The following SEPTIN9 variants were observed in gnomAD, a reference collection of about 807,000 sequenced individuals.
The protein encoded by SEPTIN9 is septin-9.
Under a neutral mutation model 56.6 loss-of-function variants are expected in SEPTIN9, and 13 were observed. The observed-to-expected ratio is 0.23, with a 90% CI of 0.15 to 0.37. The LOEUF is 0.37. Among genes scored for constraint, SEPTIN9 ranks in the 10% least tolerant of loss-of-function variants. The pLI is 1.00. For synonymous variants in SEPTIN9, 332 were observed against 334.1 expected, an observed-to-expected ratio of 0.99 and a Z score of 0.07; for missense variants, 650 against 823.1, an observed-to-expected ratio of 0.79 and a Z score of 2.57.
rs1295725714 is a variant in SEPTIN9 at position 77,453,414 on chromosome 17, TG to T, written c.722-28728del. ...TGAGGTCAAGAGTTCGAGACCAGCC[TG>T]GCCAACATGGTGAAACCCTGTCTCT... On this transcript the variant is annotated intron_variant, in intron 3 of 11. Transcript: ENST00000427177. The surrounding 1 kb of genome is among the most constrained non-coding windows in gnomAD (Gnocchi z 4.4). 6.6e-6 allele frequency among the ~76,000 whole-genome samples: 1 copy of T among 152,092 alleles called. No homozygotes were observed. The highest frequency in any genetic ancestry group is 1.5e-5 in the Non-Finnish European group (1 of 68,016).
intron 2 of SEPTIN9, chr17:77,373,775 C>G: frequency 1.3e-6 from 1 of 784,954 alleles, no homozygotes; most frequent in Non-Finnish European, 1.8e-6. Context: ...GTAGACCCTG[C>G]GCGCCCTCAC....
chr17:77,370,839 C>T (rs1343839324), intron 2 of SEPTIN9, among the ~76,000 whole-genome samples: 2 of 152,158 alleles, frequency 1.3e-5, no homozygotes, highest in Non-Finnish European at 2.9e-5. Context: ...CCTGGAGCCC[C>T]AGACTGGACC....
chr17:77,462,476 G>T (rs1364203504), intron 3 of SEPTIN9, among the ~76,000 whole-genome samples: 8 of 152,286 alleles, frequency 5.3e-5, no homozygotes, highest in African/African-American at 1.9e-4. Context: ...TAGAGACAGG[G>T]TCCCACTATG....
chr17:77,325,148 C>T (rs1484637796), intron 2 of SEPTIN9, among the ~76,000 whole-genome samples: 2 of 152,194 alleles, frequency 1.3e-5, no homozygotes, highest in Admixed American at 6.5e-5. Context: ...ACTTCTATGA[C>T]GTTCCACTTT....
rs985217772 is a variant in SEPTIN9, at chr17:77,451,490, C to T, written c.722-30654C>T. 2.0e-6 allele frequency: 2 copies of T among 985,818 alleles called. No homozygotes were observed. Among genetic ancestry groups the T allele is most frequent in the East Asian group, 1.1e-4 (1 of 8,818 alleles). 61.1% of individuals were successfully genotyped at this position (985,818 alleles called of 1,614,324 possible). ...GTGACCCGGTGGGCGGGCCGCGGCT[C>T]TCGGCGCGTCCAGCGCAGCCCGACG... On this transcript the variant is annotated intron_variant, in intron 3 of 11. Coordinates refer to ENST00000427177, the MANE Select transcript of SEPTIN9 (RefSeq NM_001113491.2). This position sits in a 1 kb window ranked among gnomAD's most constrained non-coding sequence, Gnocchi z 4.2.
At chr17:77,441,783 C>T (rs1568071652) in intron 3 of SEPTIN9, among the ~76,000 whole-genome samples, 2 of 152,336 alleles carry the variant, frequency 1.3e-5, no homozygotes, top group South Asian at 4.1e-4. Flanking sequence ...TTTGCCACTT[C>T]CGTTTCTTTC....
Position 77,487,866 on chromosome 17 carries a change from G to A in SEPTIN9, c.1042+314G>A, listed in dbSNP as rs1245095192. Among the ~76,000 whole-genome samples the A allele has an allele frequency of 6.6e-6, 1 of 152,164 alleles. No individual in the cohort carries two copies. Among genetic ancestry groups the A allele is most frequent in the Non-Finnish European group, 1.5e-5 (1 of 68,012 alleles). On this transcript the variant is annotated intron_variant, in intron 5 of 11. Transcript: ENST00000427177. This position sits in a 1 kb window ranked among gnomAD's most constrained non-coding sequence, Gnocchi z 4.3. ...ACCCATGCCTTCCTGGAGCACTGGTGCGGTGTGAGGGTGCCCGAGTCAGGC... is the reference window on the plus strand; with the variant it reads ...ACCCATGCCTTCCTGGAGCACTGGTACGGTGTGAGGGTGCCCGAGTCAGGC...
chr17:77,484,800 GGGT>G (rs1408916749), intron 4 of SEPTIN9, among the ~76,000 whole-genome samples: 1 of 62,450 alleles, frequency 1.6e-5, no homozygotes, highest in Admixed American at 1.5e-4. Context: ...GTGGTGATGT[GGGT>G]GGTGGTGGTG....
chr17:77,341,027 C>T (rs910765015), intron 2 of SEPTIN9, among the ~76,000 whole-genome samples: 2 of 152,234 alleles, frequency 1.3e-5, no homozygotes, highest in African/African-American at 4.8e-5. Flanking sequence ...TCTATCCAGA[C>T]CACTCAAACT....
intron 3 of SEPTIN9, among the ~76,000 whole-genome samples, chr17:77,460,737 A>G (rs312846): frequency 0.095 from 14,508 of 152,190 alleles, 1,739 homozygotes; most frequent in African/African-American, 0.28. Context: ...CTGCCAGGCC[A>G]GGGTCCTCAC....
intron 3 of SEPTIN9, among the ~76,000 whole-genome samples, chr17:77,416,721 T>G (rs1438901158): frequency 6.6e-6 from 1 of 152,218 alleles, no homozygotes; most frequent in East Asian, 1.9e-4. Flanking sequence ...GCAGCCCTGC[T>G]GGGTGGCAGG....
chr17:77,399,882 C>T (rs1364762967), intron 2 of SEPTIN9, among the ~76,000 whole-genome samples: 1 of 152,156 alleles, frequency 6.6e-6, no homozygotes, highest in Non-Finnish European at 1.5e-5. Context: ...GTCCTGCTGC[C>T]CTGCGGCCAC....
intron 2 of SEPTIN9, among the ~76,000 whole-genome samples, chr17:77,332,170 G>A (rs1169349633): frequency 3.3e-5 from 5 of 152,194 alleles, no homozygotes; most frequent in African/African-American, 9.6e-5. Context: ...CCAGCTACTC[G>A]GAAGGTTGAG....
intron 3 of SEPTIN9, among the ~76,000 whole-genome samples, chr17:77,459,462 C>T (rs1296182271): frequency 3.9e-5 from 6 of 152,184 alleles, no homozygotes; most frequent in Non-Finnish European, 5.9e-5. Flanking sequence ...TTGCCATTTC[C>T]CCAGAGCACA....
At chr17:77,360,076 GA>G (rs1402256970) in intron 2 of SEPTIN9, among the ~76,000 whole-genome samples, 4 of 149,710 alleles carry the variant, frequency 2.7e-5, no homozygotes, top group African/African-American at 9.9e-5. Context: ...AGAATTGCTT[GA>G]ACCCAGGAGG....
intron 2 of SEPTIN9, among the ~76,000 whole-genome samples, chr17:77,360,776 G>A (rs2034390625): frequency 1.3e-5 from 2 of 152,004 alleles, no homozygotes; most frequent in South Asian, 4.1e-4. Flanking sequence ...GTGTTAGCCA[G>A]GATGGTCTCG....
rs1352414128 is a variant in SEPTIN9 at position 77,323,986 on chromosome 17, G to T, written c.76+16789G>T. On this transcript the variant is annotated intron_variant, in intron 2 of 11. Transcript: ENST00000427177. The surrounding 1 kb of genome is among the most constrained non-coding windows in gnomAD (Gnocchi z 6.8). ...TGGAGGCCAGAAGTCCGAAATCACG[G>T]CATCAGCAGGCCTGGTTCTTTCCGG... Among the ~76,000 whole-genome samples, 2 of 152,230 alleles carry T rather than the reference G, an allele frequency of 1.3e-5. No homozygotes were observed. The highest frequency in any genetic ancestry group is 2.9e-5 in the Non-Finnish European group (2 of 68,048).
At chr17:77,301,456 G>A (rs977386510) in intron 1 of SEPTIN9, among the ~76,000 whole-genome samples, 2 of 144,982 alleles carry the variant, frequency 1.4e-5, no homozygotes, top group Non-Finnish European at 3.0e-5. Flanking sequence ...AAAGAGTTTC[G>A]CTCTGTCACC....
At chr17:77,397,975 G>A (rs1008126267) in intron 2 of SEPTIN9, among the ~76,000 whole-genome samples, 1 of 137,732 alleles carries the variant, frequency 7.3e-6, no homozygotes, top group African/African-American at 2.7e-5. Context: ...AGTAGGTTTT[G>A]GTTGTTTTTT....
Sources: gnomAD v4.1 joint callset for allele counts (sites outside exome capture counted in the v4.1 genomes callset) on GRCh38, gnomAD v4.1.1 for gene constraint, Gnocchi (gnomAD v3.1) non-coding constraint, MANE v1.5 for transcripts, NCBI Gene and HGNC (gene_info 2026-07-23, HGNC 2026-07-21) for gene names.